FAM83A: variants seen among roughly 807,000 people sequenced by gnomAD.
FAM83A encodes the protein scaffolding CK1 anchoring protein A, also known as protein FAM83A.
A neutral mutation model predicts 24.4 loss-of-function variants in FAM83A; 21 were observed. The observed-to-expected ratio is 0.86, with a 90% CI of 0.61 to 1.24. The LOEUF (loss-of-function observed/expected upper bound fraction) is 1.24. Among genes scored for constraint, FAM83A ranks in the 50% most tolerant of loss-of-function variants. The probability of loss-of-function intolerance (pLI) is 0.00; values close to 1 mark genes in which losing one functional copy is unlikely to be tolerated. For synonymous variants in FAM83A, 270 were observed against 252.4 expected, an observed-to-expected ratio of 1.07 and a Z score of -0.66; for missense variants, 617 against 579.8, an observed-to-expected ratio of 1.06 and a Z score of -0.66.
At chr8:123,182,694 G>C in exon 1 of FAM83A, 1 of 1,023,538 alleles carries the variant, frequency 9.8e-7, no homozygotes, top group Non-Finnish European at 1.5e-6. Context: ...GCTCAGGACA[G>C]CGGTAAATCA....
chr8:123,205,732 G>A (rs1174027657), intron 3 of FAM83A, among the ~76,000 whole-genome samples: 2 of 152,108 alleles, frequency 1.3e-5, no homozygotes, highest in Non-Finnish European at 2.9e-5. Flanking sequence ...AGGAGCCCAG[G>A]AGCCTCTAGC....
At chr8:123,183,256 A>G in exon 1 of FAM83A, 1 of 1,613,326 alleles carries the variant, frequency 6.2e-7, no homozygotes, top group Non-Finnish European at 8.5e-7. Context: ...GGAAAAATCC[A>G]GCGCCACTGT....
Position 123,205,488 on chromosome 8 carries a change from A to T in FAM83A, c.774-1669A>T, listed in dbSNP as rs541800214. 3.9e-5 allele frequency among the ~76,000 whole-genome samples: 6 copies of T among 152,230 alleles called. No homozygotes were observed. The South Asian group carries it at 1.0e-3, about 26-fold the overall frequency. The stretch of plus-strand genomic sequence containing the variant: ...GGAGGTGAGATTTAAACAAAGCCTC[A>T]TTGCTGTTCCCAGGATTATCCGAGC... On this transcript the variant is annotated intron_variant, in intron 3 of 3. Coordinates refer to ENST00000690554, the Ensembl canonical transcript of FAM83A.
At chr8:123,206,593 C>G (rs1049096717) in intron 3 of FAM83A, among the ~76,000 whole-genome samples, 1 of 152,192 alleles carries the variant, frequency 6.6e-6, no homozygotes. Flanking sequence ...GACTCAGCTC[C>G]CTTCTGCCTC....
chr8:123,185,433 C>T (rs1823761282), intron 1 of FAM83A, among the ~76,000 whole-genome samples: 1 of 152,236 alleles, frequency 6.6e-6, no homozygotes, highest in Non-Finnish European at 1.5e-5. Context: ...AGTCCCTCTC[C>T]TCCCCACTCC....
chr8:123,200,262 G>C (rs1824306034), intron 3 of FAM83A, among the ~76,000 whole-genome samples: 1 of 152,202 alleles, frequency 6.6e-6, no homozygotes, highest in Non-Finnish European at 1.5e-5. Context: ...GAGGACAGCT[G>C]CAGTCAGGCC....
At chr8:123,187,253 G>A (rs546651733) in intron 1 of FAM83A, among the ~76,000 whole-genome samples, 1 of 152,312 alleles carries the variant, frequency 6.6e-6, no homozygotes, top group Non-Finnish European at 1.5e-5. Context: ...CAGAGCCAAA[G>A]ACTGAGAGCA....
chr8:123,196,480 ATTAC>A (rs1395415569), intron 3 of FAM83A, among the ~76,000 whole-genome samples: 1 of 152,000 alleles, frequency 6.6e-6, no homozygotes, highest in East Asian at 1.9e-4. Context: ...AGGTTTTCAT[ATTAC>A]TTCTTTTTTA....
intron 3 of FAM83A, among the ~76,000 whole-genome samples, chr8:123,204,997 C>A (rs939822046): frequency 1.3e-5 from 2 of 151,684 alleles, no homozygotes; most frequent in Non-Finnish European, 2.9e-5. Flanking sequence ...CCTGTAATCC[C>A]AGCTACTCTG....
intron 1 of FAM83A, among the ~76,000 whole-genome samples, chr8:123,184,452 G>T (rs937605148): frequency 6.6e-6 from 1 of 152,086 alleles, no homozygotes; most frequent in Non-Finnish European, 1.5e-5. Context: ...AGCAGAGGGG[G>T]TTTCTCTCTC....
At chr8:123,208,881 T>C in exon 4 of FAM83A, 1 of 966,608 alleles carries the variant, frequency 1.0e-6, no homozygotes, top group Non-Finnish European at 1.2e-6. Context: ...GGAGAATTGC[T>C]TGAACCCAGG....
exon 4 of FAM83A, chr8:123,207,590 G>A: frequency 6.4e-7 from 1 of 1,572,876 alleles, no homozygotes; most frequent in South Asian, 1.1e-5. Flanking sequence ...CAACCTGGGG[G>A]CCTACAGGCC....
chr8:123,191,091 C>A (rs1586779044), intron 1 of FAM83A, among the ~76,000 whole-genome samples: 1 of 152,328 alleles, frequency 6.6e-6, no homozygotes, highest in African/African-American at 2.4e-5. Context: ...ATAGACCCTT[C>A]CAAACCACAT....
intron 3 of FAM83A, among the ~76,000 whole-genome samples, chr8:123,194,845 G>C (rs905453947): frequency 6.6e-6 from 1 of 152,114 alleles, no homozygotes; most frequent in Admixed American, 6.6e-5. Flanking sequence ...GCCTCCCAAA[G>C]TGTTGGGATT....
intron 3 of FAM83A, among the ~76,000 whole-genome samples, chr8:123,198,489 A>G (rs1824235119): frequency 6.6e-6 from 1 of 152,214 alleles, no homozygotes; most frequent in Admixed American, 6.5e-5. Flanking sequence ...TTTCAGGGAG[A>G]TCAGAACTGC....
chr8:123,209,663 C>A lies in FAM83A; in HGVS notation c.*1975C>A. The A allele has an allele frequency of 8.6e-7, 1 of 1,159,020 alleles. No individual in the cohort carries two copies. The highest frequency in any genetic ancestry group is 1.3e-6 in the Non-Finnish European group (1 of 798,890). The allele number at this position is 1,159,020 out of a possible 1,614,324, so 71.8% of individuals were successfully genotyped here. On this transcript the variant is annotated 3_prime_UTR_variant, in exon 4 of 4. Coordinates refer to ENST00000690554, the Ensembl canonical transcript of FAM83A. This position sits in a 1 kb window ranked among gnomAD's most constrained non-coding sequence, Gnocchi z 4.7. ...CCCAAGCCCAGCTTTCCAAAGGCCTCAGCCTGTGCCTGTGTCGAGCTCAGT... is the reference window on the plus strand; with the variant it reads ...CCCAAGCCCAGCTTTCCAAAGGCCTAAGCCTGTGCCTGTGTCGAGCTCAGT...
At chr8:123,194,924 A>T (rs1824098479) in intron 3 of FAM83A, among the ~76,000 whole-genome samples, 2 of 152,088 alleles carry the variant, frequency 1.3e-5, no homozygotes, top group Non-Finnish European at 2.9e-5. Flanking sequence ...CCTACATCCA[A>T]ATGACTGACC....
intron 3 of FAM83A, among the ~76,000 whole-genome samples, chr8:123,204,831 T>C (rs967500368): frequency 7.9e-5 from 12 of 151,542 alleles, no homozygotes; most frequent in African/African-American, 2.9e-4. Flanking sequence ...AGCTAAAGCA[T>C]GGCCAGGTGC....
intron 3 of FAM83A, among the ~76,000 whole-genome samples, chr8:123,197,407 T>C (rs1339303645): frequency 6.6e-6 from 1 of 152,192 alleles, no homozygotes; most frequent in Non-Finnish European, 1.5e-5. Context: ...TAAATGGAAT[T>C]ATCATTCAAT....
Sources: allele counts gnomAD v4.1 joint callset (sites outside exome capture counted in the v4.1 genomes callset), GRCh38; gene constraint gnomAD v4.1.1; non-coding constraint Gnocchi (gnomAD v3.1); transcripts MANE v1.5; gene names NCBI Gene and HGNC (gene_info 2026-07-23, HGNC 2026-07-21).